Variants in NCKAP5 observed in about 807,000 individuals in gnomAD.
The protein encoded by NCKAP5 is nck-associated protein 5.
NCKAP5 carries 92 observed loss-of-function variants against 167.0 expected under a neutral mutation model. The observed-to-expected ratio is 0.55, with a 90% CI of 0.47 to 0.66. The LOEUF (loss-of-function observed/expected upper bound fraction) is 0.66. Ranked by LOEUF, NCKAP5 falls within the 30% of genes least tolerant of loss-of-function variation. The pLI, the probability that NCKAP5 is intolerant of heterozygous loss-of-function variation, is 0.00. For synonymous variants in NCKAP5, 891 were observed against 877.4 expected, an observed-to-expected ratio of 1.02 and a Z score of -0.27; for missense variants, 2,378 against 2,315.0, an observed-to-expected ratio of 1.03 and a Z score of -0.56.
In NCKAP5 at chr2:132,785,378, G is replaced by A. The variant is rs780924110; in HGVS notation, c.1433C>T (p.Ala478Val). Residue 478 changes from alanine to valine, a missense_variant, in exon 14 of 20, where the codon GCG becomes GTG. By Grantham distance (64) the Ala-to-Val change is moderately conservative. This residue lies in a region of NCKAP5 where 1,049 missense variants were observed against 1,023.4 expected (regional missense o/e 1.02). Transcript: ENST00000409261. ...TGCTAAGGTGGAAGGGTCATCGTCC[G>A]CATCAACGTGGGAATCTAGATCATA... ...FVYDLDSHVDADDDPSTLALL... is the reference protein window; with the variant it reads ...FVYDLDSHVDVDDDPSTLALL... 42 of 1,613,880 alleles carry A rather than the reference G, an allele frequency of 2.6e-5. No individual in the cohort carries two copies. Among genetic ancestry groups the A allele is most frequent in the Admixed American group, 5.0e-5 (3 of 60,010 alleles).
intron 12 of NCKAP5, among the ~76,000 whole-genome samples, chr2:132,794,263 T>TATATATATATAGAGAG (rs762281677): frequency 8.4e-5 from 1 of 11,916 alleles, no homozygotes; most frequent in Non-Finnish European, 1.7e-4. Flanking sequence ...TATATATATA[T>TATATATATATAGAGAG]AGAGAGAGAG....
chr2:133,048,076 C>T (rs1469628006), intron 6 of NCKAP5, among the ~76,000 whole-genome samples: 1 of 152,158 alleles, frequency 6.6e-6, no homozygotes, highest in African/African-American at 2.4e-5. Flanking sequence ...GGTCTGCATA[C>T]CTTCCACAGT....
chr2:133,022,442 G>A (rs1233899334), intron 6 of NCKAP5, among the ~76,000 whole-genome samples: 1 of 152,144 alleles, frequency 6.6e-6, no homozygotes, highest in African/African-American at 2.4e-5. Context: ...CCTAGGAAGG[G>A]AAGGTGCAGG....
chr2:132,840,114 C>T (rs1169371621), intron 11 of NCKAP5, among the ~76,000 whole-genome samples: 1 of 152,044 alleles, frequency 6.6e-6, no homozygotes, highest in Admixed American at 6.6e-5. Flanking sequence ...GTTCTTAGAG[C>T]ACTTCCAGAA....
intron 15 of NCKAP5, among the ~76,000 whole-genome samples, chr2:132,780,010 C>T (rs982126547): frequency 3.9e-5 from 6 of 151,968 alleles, no homozygotes; most frequent in Non-Finnish European, 8.8e-5. Context: ...TTGCCAAAAG[C>T]AACAATGAAT....
intron 9 of NCKAP5, among the ~76,000 whole-genome samples, chr2:132,873,006 C>A (rs536791944): frequency 3.2e-4 from 49 of 152,294 alleles, no homozygotes; most frequent in African/African-American, 1.1e-3. Context: ...TAGGACAGGA[C>A]TTGATATAAA....
Position 132,672,966 on chromosome 2 carries a change from C to G in NCKAP5, c.*323G>C. ...TCTATCAAGCGGTGCACCCCCCACC[C>G]CCCACCCATCATTTCTTAAGCGCTC... On this transcript the variant is annotated 3_prime_UTR_variant, in exon 20 of 20. Coordinates refer to ENST00000409261, the MANE Select transcript of NCKAP5 (RefSeq NM_207363.3). 7.8e-6 allele frequency: 1 copy of G among 128,602 alleles called. No homozygotes were observed. The highest frequency in any genetic ancestry group is 1.3e-5 in the Non-Finnish European group (1 of 74,456). 8.0% of individuals were successfully genotyped at this position (128,602 alleles called of 1,614,324 possible). A position where few individuals can be genotyped will look rare whatever the true frequency, so the allele number is the denominator to read the frequency against.
chr2:133,518,556 G>A (rs915682832), intron 2 of NCKAP5, among the ~76,000 whole-genome samples: 6 of 151,394 alleles, frequency 4.0e-5, no homozygotes, highest in Admixed American at 1.3e-4. Flanking sequence ...GGGTTTCACC[G>A]TGTTAGCCAG....
intron 11 of NCKAP5, among the ~76,000 whole-genome samples, chr2:132,820,325 G>T (rs1476976130): frequency 6.6e-6 from 1 of 151,856 alleles, no homozygotes; most frequent in African/African-American, 2.4e-5. Context: ...TGCCTTCCGG[G>T]TTCACGCCAT....
intron 3 of NCKAP5, among the ~76,000 whole-genome samples, chr2:133,491,650 T>A (rs1353302043): frequency 1.3e-5 from 2 of 152,156 alleles, no homozygotes; most frequent in Admixed American, 6.5e-5. Flanking sequence ...TTCTTCTCCA[T>A]CCCTATGAAG....
At chr2:133,288,978 C>T (rs577956058) in intron 4 of NCKAP5, among the ~76,000 whole-genome samples, 8 of 152,158 alleles carry the variant, frequency 5.3e-5, no homozygotes, top group African/African-American at 1.7e-4. Context: ...TTCTCATTAC[C>T]AATGGGAAAC....
the NCKAP5 span, among the ~76,000 whole-genome samples, chr2:133,594,105 C>G: frequency 6.6e-6 from 1 of 152,160 alleles, no homozygotes; most frequent in Non-Finnish European, 1.5e-5. Context: ...GTGGTGGGAC[C>G]ATCACTTTGT....
intron 8 of NCKAP5, among the ~76,000 whole-genome samples, chr2:132,898,938 T>A (rs1278538873): frequency 6.6e-6 from 1 of 152,170 alleles, no homozygotes; most frequent in African/African-American, 2.4e-5. Context: ...CAACTTAAAG[T>A]CACCAGCTGC....
At chr2:133,325,101 T>C (rs1459376332) in intron 3 of NCKAP5, among the ~76,000 whole-genome samples, 1 of 152,132 alleles carries the variant, frequency 6.6e-6, no homozygotes, top group Non-Finnish European at 1.5e-5. Context: ...TGGATATAAC[T>C]GTGAAAAAAA....
intron 8 of NCKAP5, among the ~76,000 whole-genome samples, chr2:132,900,472 A>T (rs557850925): frequency 2.0e-5 from 3 of 152,236 alleles, no homozygotes. Flanking sequence ...ACACACACAA[A>T]CACACACATA....
intron 6 of NCKAP5, among the ~76,000 whole-genome samples, chr2:133,115,457 T>C (rs7559118): frequency 0.25 from 38,622 of 151,960 alleles, 5,787 homozygotes; most frequent in East Asian, 0.56. Context: ...TTGCCATCAA[T>C]CACAATTGCA....
At chr2:133,018,035 C>T (rs2078402060) in intron 6 of NCKAP5, among the ~76,000 whole-genome samples, 1 of 152,152 alleles carries the variant, frequency 6.6e-6, no homozygotes, top group South Asian at 2.1e-4. Flanking sequence ...ATTGACCTTG[C>T]AGGTCTTGAT....
intron 16 of NCKAP5, among the ~76,000 whole-genome samples, chr2:132,768,662 C>T (rs182997192): frequency 0.1 from 13,150 of 129,152 alleles, 674 homozygotes; most frequent in Middle Eastern, 0.16. Context: ...TTTTTTGAGA[C>T]GGAGTCTCGC....
intron 19 of NCKAP5, among the ~76,000 whole-genome samples, chr2:132,722,771 C>T (rs1037472460): frequency 1.3e-5 from 2 of 152,070 alleles, no homozygotes; most frequent in Non-Finnish European, 2.9e-5. Flanking sequence ...ATCCTTGACC[C>T]TACGTTTTTT....
Sources: allele counts gnomAD v4.1 joint callset (sites outside exome capture counted in the v4.1 genomes callset), GRCh38; gene constraint gnomAD v4.1.1; regional missense constraint gnomAD v4.1.1; transcripts MANE v1.5; gene names NCBI Gene and HGNC (gene_info 2026-07-23, HGNC 2026-07-21).